The following OPHN1 variants were observed in gnomAD, a reference collection of about 807,000 sequenced individuals.
OPHN1 encodes the protein oligophrenin-1.
In OPHN1, 11 loss-of-function variants were observed where a neutral mutation model predicts 60.7. That is an observed-to-expected ratio of 0.18 (90% CI 0.11 to 0.30). OPHN1 has a LOEUF of 0.30. OPHN1 is among the 10% of genes least tolerant of loss of function. The pLI is 1.00. For missense variants in OPHN1, 449 were observed against 611.0 expected, an observed-to-expected ratio of 0.73 and a Z score of 2.80; for synonymous variants, 226 against 222.6, an observed-to-expected ratio of 1.02 and a Z score of -0.14.
intron 15 of OPHN1, among the ~76,000 whole-genome samples, chrX:68,148,328 T>C (rs1053541186): frequency 2.7e-5 from 3 of 111,543 alleles, no homozygotes; most frequent in Non-Finnish European, 3.8e-5. Context: ...GGGTTGTTTA[T>C]GCCAACACTG....
intron 11 of OPHN1, among the ~76,000 whole-genome samples, chrX:68,200,681 C>G: frequency 9.0e-6 from 1 of 111,494 alleles, no homozygotes; most frequent in East Asian, 2.8e-4. Context: ...ATGAAACAAG[C>G]TAAGTCCTTT....
intron 5 of OPHN1, among the ~76,000 whole-genome samples, chrX:68,272,151 C>T (rs765317223): frequency 7.8e-4 from 87 of 111,598 alleles, no homozygotes; most frequent in Admixed American, 2.0e-3. Context: ...AAATTGATAA[C>T]ACACAGGGGT....
At chrX:68,109,154 A>G (rs1242339797) in intron 18 of OPHN1, among the ~76,000 whole-genome samples, 1 of 110,878 alleles carries the variant, frequency 9.0e-6, no homozygotes, top group East Asian at 2.8e-4. Context: ...CTCATTATCA[A>G]TTACTCCCCA....
intron 2 of OPHN1, among the ~76,000 whole-genome samples, chrX:68,374,576 C>T (rs941427044): frequency 1.8e-5 from 2 of 109,890 alleles, no homozygotes; most frequent in Non-Finnish European, 3.8e-5. Flanking sequence ...CTCAGCCTCC[C>T]AAATAGCTGA....
At chrX:68,285,018 A>G (rs1041422939) in intron 3 of OPHN1, among the ~76,000 whole-genome samples, 1 of 111,801 alleles carries the variant, frequency 8.9e-6, no homozygotes, top group Non-Finnish European at 1.9e-5. Flanking sequence ...ATTTCATTAT[A>G]ATCAGTTTTA....
At chrX:68,272,277 T>C (rs1358248196) in intron 5 of OPHN1, among the ~76,000 whole-genome samples, 1 of 111,121 alleles carries the variant, frequency 9.0e-6, no homozygotes, top group South Asian at 3.9e-4. Flanking sequence ...TAAAGAAGTA[T>C]GAAAAAAGAT....
At chrX:68,213,792 A>C in intron 7 of OPHN1, 70 bp downstream of exon 7, 5 of 646,798 alleles carry the variant, frequency 7.7e-6, no homozygotes. Flanking sequence ...TGTTTTTATG[A>C]TCAAAGTTTG....
intron 5 of OPHN1, among the ~76,000 whole-genome samples, chrX:68,255,870 A>G (rs1267487364): frequency 9.0e-6 from 1 of 111,297 alleles, no homozygotes; most frequent in Admixed American, 9.6e-5. Flanking sequence ...GTTCCTAGGC[A>G]TTTATTATTC....
rs750984228 is a variant in OPHN1 at position 68,109,076 on chromosome X, G to A, written c.1526+2778C>T. On this transcript the variant is annotated intron_variant, in intron 18 of 24. Coordinates refer to ENST00000355520, the MANE Select transcript of OPHN1 (RefSeq NM_002547.3). Reference sequence around the variant, plus strand: ...ATTAAGTGGTTTTTAGTATATTCACGGAGCCGTGCAACTGTCACCCCTTAT... The same window carrying A: ...ATTAAGTGGTTTTTAGTATATTCACAGAGCCGTGCAACTGTCACCCCTTAT... Among the ~76,000 whole-genome samples the A allele has an allele frequency of 1.4e-4, 15 of 110,341 alleles. No individual in the cohort carries two copies. The East Asian group carries it at 2.6e-3, about 19-fold the overall frequency.
chrX:68,057,188 A>C (rs1179925562), intron 21 of OPHN1, among the ~76,000 whole-genome samples: 2 of 112,108 alleles, frequency 1.8e-5, no homozygotes, highest in Non-Finnish European at 3.8e-5. Context: ...GTGAAACATT[A>C]GAAATATGTA....
intron 15 of OPHN1, among the ~76,000 whole-genome samples, chrX:68,157,821 C>T (rs2077316509): frequency 1.8e-5 from 2 of 112,459 alleles, no homozygotes; most frequent in African/African-American, 6.5e-5. Flanking sequence ...CCCTATGGAG[C>T]TTAAGTACTA....
intron 5 of OPHN1, among the ~76,000 whole-genome samples, chrX:68,255,154 C>T (rs1341949125): frequency 9.2e-6 from 1 of 109,198 alleles, no homozygotes; most frequent in Admixed American, 9.9e-5. Context: ...GGAGAAAAGA[C>T]CTGGAGGACA....
chrX:68,267,377 C>T (rs1371558809), intron 5 of OPHN1, among the ~76,000 whole-genome samples: 1 of 111,921 alleles, frequency 8.9e-6, no homozygotes, highest in East Asian at 2.8e-4. Context: ...AAGAAACTCA[C>T]TCAAAACCGC....
intron 21 of OPHN1, among the ~76,000 whole-genome samples, chrX:68,059,792 T>A (rs895262230): frequency 9.0e-6 from 1 of 111,154 alleles, no homozygotes; most frequent in Non-Finnish European, 1.9e-5. Context: ...GAAGGGCCCC[T>A]CAACCCATAT....
At chrX:68,204,267 T>C (rs955317758) in intron 10 of OPHN1, among the ~76,000 whole-genome samples, 6 of 111,968 alleles carry the variant, frequency 5.4e-5, no homozygotes, top group Admixed American at 4.8e-4. Context: ...GATCAGAAAA[T>C]TGACCATGAA....
intron 5 of OPHN1, among the ~76,000 whole-genome samples, chrX:68,241,936 C>T (rs1246657382): frequency 9.1e-6 from 1 of 110,009 alleles, no homozygotes; most frequent in African/African-American, 3.3e-5. Flanking sequence ...AAAGAAAAAA[C>T]TCAACAATAA....
chrX:68,198,314 C>G (rs1284741441), intron 11 of OPHN1, among the ~76,000 whole-genome samples: 5 of 111,298 alleles, frequency 4.5e-5, no homozygotes, highest in Non-Finnish European at 9.4e-5. Flanking sequence ...TTGGTGCTCT[C>G]TGGAGGGCAC....
intron 15 of OPHN1, among the ~76,000 whole-genome samples, chrX:68,181,265 C>T (rs1036830010): frequency 1.8e-5 from 2 of 110,986 alleles, no homozygotes; most frequent in Admixed American, 9.7e-5. Context: ...ATCCCTCTGC[C>T]GTTTCTCATT....
At chrX:68,276,945 T>C (rs1008214530) in intron 4 of OPHN1, among the ~76,000 whole-genome samples, 5 of 111,303 alleles carry the variant, frequency 4.5e-5, no homozygotes, top group African/African-American at 1.6e-4. Flanking sequence ...GTGCCAAACA[T>C]TAGGAAAACC....
Sources: allele counts gnomAD v4.1 joint callset (sites outside exome capture counted in the v4.1 genomes callset), GRCh38; gene constraint gnomAD v4.1.1; transcripts MANE v1.5; gene names NCBI Gene and HGNC (gene_info 2026-07-23, HGNC 2026-07-21).